The following EPB41 variants were observed in gnomAD, a reference collection of about 807,000 sequenced individuals.
EPB41 encodes the protein protein 4.1.
EPB41 carries 65 observed loss-of-function variants against 108.0 expected under a neutral mutation model. The observed-to-expected ratio is 0.60, with a 90% CI of 0.49 to 0.74. EPB41 has a LOEUF of 0.74. EPB41 is among the 30% of genes least tolerant of loss of function. EPB41 has a pLI of 0.00. For missense variants in EPB41, 875 were observed against 1,037.0 expected, an observed-to-expected ratio of 0.84 and a Z score of 2.15; for synonymous variants, 336 against 358.9, an observed-to-expected ratio of 0.94 and a Z score of 0.72.
chr1:28,947,006 A>G (rs977156855), intron 1 of EPB41, among the ~76,000 whole-genome samples: 1 of 152,264 alleles, frequency 6.6e-6, no homozygotes, highest in Non-Finnish European at 1.5e-5. Flanking sequence ...TGGTGGAACC[A>G]CAAAAAGGGA....
At chr1:29,057,986 T>C (rs1399947299) in intron 12 of EPB41, among the ~76,000 whole-genome samples, 1 of 152,222 alleles carries the variant, frequency 6.6e-6, no homozygotes, top group Non-Finnish European at 1.5e-5. Context: ...ACAATTTAAA[T>C]TGGGTTTATT....
At chr1:28,928,139 T>C (rs2093554688) in intron 1 of EPB41, among the ~76,000 whole-genome samples, 1 of 152,000 alleles carries the variant, frequency 6.6e-6, no homozygotes, top group Non-Finnish European at 1.5e-5. Flanking sequence ...TTCTGTAATA[T>C]CTGGCTCACG....
At chr1:29,047,877 A>C (rs539374851) in intron 11 of EPB41, among the ~76,000 whole-genome samples, 6 of 151,886 alleles carry the variant, frequency 4.0e-5, no homozygotes, top group Non-Finnish European at 8.8e-5. Flanking sequence ...TCTGCCTCCC[A>C]AGTTCAAGCG....
chr1:29,095,881 A>G (rs1663036557), intron 16 of EPB41, among the ~76,000 whole-genome samples: 1 of 152,242 alleles, frequency 6.6e-6, no homozygotes, highest in Non-Finnish European at 1.5e-5. Flanking sequence ...TAAGTAACAC[A>G]AGGAAGACCA....
intron 12 of EPB41, among the ~76,000 whole-genome samples, chr1:29,056,884 G>C (rs769164740): frequency 3.3e-5 from 5 of 152,082 alleles, no homozygotes; most frequent in Non-Finnish European, 7.4e-5. Flanking sequence ...GATTGATAAA[G>C]ATCCAAAGCA....
At chr1:28,890,304 C>T (rs2089983182) in intron 1 of EPB41, among the ~76,000 whole-genome samples, 1 of 152,094 alleles carries the variant, frequency 6.6e-6, no homozygotes, top group Non-Finnish European at 1.5e-5. Context: ...TCCCAAAGTG[C>T]TGGGATTACA....
In EPB41 at chr1:28,887,842, G is replaced by A. The variant is rs1393319014; in HGVS notation, c.-8+632G>A. 1 of 211,374 alleles carries A rather than the reference G, an allele frequency of 4.7e-6. No homozygotes were observed. Among genetic ancestry groups the A allele is most frequent in the African/African-American group, 2.4e-5 (1 of 42,532 alleles). 13.1% of individuals were successfully genotyped at this position (211,374 alleles called of 1,614,324 possible). Reference sequence around the variant, plus strand: ...GGTCTAGGGGACTTCCCTCTGTCTGGGTCTCCCGGGTCTCTCTGTCCGGTT... The same window carrying A: ...GGTCTAGGGGACTTCCCTCTGTCTGAGTCTCCCGGGTCTCTCTGTCCGGTT... On this transcript the variant is annotated intron_variant, in intron 1 of 16. Transcript: ENST00000347529. This position sits in a 1 kb window ranked among gnomAD's most constrained non-coding sequence, Gnocchi z 4.9.
intron 16 of EPB41, among the ~76,000 whole-genome samples, chr1:29,073,806 A>T (rs1235415415): frequency 6.6e-6 from 1 of 152,194 alleles, no homozygotes; most frequent in African/African-American, 2.4e-5. Context: ...AAGGGAAAAG[A>T]TGCTGACTCT....
At chr1:29,003,229 C>CT (rs757164971) in intron 4 of EPB41, among the ~76,000 whole-genome samples, 2 of 152,196 alleles carry the variant, frequency 1.3e-5, no homozygotes, top group Non-Finnish European at 2.9e-5. Flanking sequence ...TCATGGTCAT[C>CT]TAAGTTTTCC....
intron 1 of EPB41, among the ~76,000 whole-genome samples, chr1:28,968,903 T>C: frequency 6.6e-6 from 1 of 151,198 alleles, no homozygotes; most frequent in East Asian, 2.0e-4. Context: ...AGGCAGAAGT[T>C]ACAGTGAGCT....
chr1:29,015,601 G>T, intron 5 of EPB41, 91 bp from the exon 6 acceptor site: 1 of 844,842 alleles, frequency 1.2e-6, no homozygotes. Flanking sequence ...GAAAGAAAAA[G>T]AAAAAGAGAA....
intron 1 of EPB41, among the ~76,000 whole-genome samples, chr1:28,961,315 T>A (rs2095203536): frequency 6.6e-6 from 1 of 152,134 alleles, no homozygotes; most frequent in Non-Finnish European, 1.5e-5. Flanking sequence ...TTAAGAAAAA[T>A]CACCTTACAT....
chr1:28,928,532 A>G (rs972975942), intron 1 of EPB41, among the ~76,000 whole-genome samples: 1 of 152,220 alleles, frequency 6.6e-6, no homozygotes, highest in African/African-American at 2.4e-5. Flanking sequence ...ACCACAGATC[A>G]TATAATCTCT....
chr1:29,066,825 C>T (rs569771859), intron 16 of EPB41, among the ~76,000 whole-genome samples: 14 of 151,934 alleles, frequency 9.2e-5, no homozygotes, highest in South Asian at 4.2e-4. Context: ...AGGCGCCTGC[C>T]GCCACGCCCA....
intron 1 of EPB41, among the ~76,000 whole-genome samples, chr1:28,888,778 C>A (rs1311701099): frequency 1.1e-4 from 17 of 152,192 alleles, no homozygotes; most frequent in Admixed American, 1.1e-3. Flanking sequence ...CAGGCGCCCG[C>A]CACCGCGCCC....
At chr1:29,107,074 TTGGG>T (rs1008303482) in intron 17 of EPB41, among the ~76,000 whole-genome samples, 81 of 151,920 alleles carry the variant, frequency 5.3e-4, no homozygotes, top group African/African-American at 1.9e-3. Context: ...TCCCAGCTAC[TTGGG>T]TGGCTGAGGC....
At chr1:28,992,882 C>T (rs1303952102) in intron 2 of EPB41, among the ~76,000 whole-genome samples, 3 of 152,072 alleles carry the variant, frequency 2.0e-5, no homozygotes, top group Admixed American at 2.0e-4. Flanking sequence ...TGAAATTGGT[C>T]CCAAGCATTT....
chr1:29,004,004 C>G (rs1290996656), intron 4 of EPB41, among the ~76,000 whole-genome samples: 1 of 152,214 alleles, frequency 6.6e-6, no homozygotes, highest in Non-Finnish European at 1.5e-5. Context: ...CTCAGGTGAT[C>G]CAACTGCCTT....
chr1:28,902,520 G>T (rs1028973815), intron 1 of EPB41, among the ~76,000 whole-genome samples: 2 of 152,140 alleles, frequency 1.3e-5, no homozygotes, highest in Admixed American at 1.3e-4. Context: ...CCAGCTCGGG[G>T]TCCATGATTT....
Sources: allele counts gnomAD v4.1 joint callset (sites outside exome capture counted in the v4.1 genomes callset), GRCh38; gene constraint gnomAD v4.1.1; non-coding constraint Gnocchi (gnomAD v3.1); transcripts MANE v1.5; gene names NCBI Gene and HGNC (gene_info 2026-07-23, HGNC 2026-07-21).